The following MYO9A variants were observed in gnomAD, a reference collection of about 807,000 sequenced individuals.
The protein encoded by MYO9A is myosin IXA.
In MYO9A, 103 loss-of-function variants were observed where a neutral mutation model predicts 293.3. The ratio of observed to expected loss-of-function variants is 0.35; its 90% CI spans 0.30 to 0.41. MYO9A has a LOEUF of 0.41. MYO9A is among the 10% of genes least tolerant of loss of function. MYO9A has a pLI of 1.00. For missense variants in MYO9A, 2,685 were observed against 3,033.0 expected (o/e 0.89, Z 2.69); for synonymous variants, 1,001 against 1,035.7 (o/e 0.97, Z 0.64).
At chr15:72,002,019 C>T (rs1431110125) in intron 8 of MYO9A, among the ~76,000 whole-genome samples, 1 of 151,930 alleles carries the variant, frequency 6.6e-6, no homozygotes, top group Non-Finnish European at 1.5e-5. Flanking sequence ...ACCTATAATC[C>T]CAAGGCAGTA....
intron 1 of MYO9A, among the ~76,000 whole-genome samples, chr15:72,101,440 C>T (rs2080315063): frequency 7.4e-6 from 1 of 134,764 alleles, no homozygotes; most frequent in Non-Finnish European, 1.6e-5. Context: ...TCTGCCAGGC[C>T]AGCCGCCCCG....
rs1238797272 is a variant in MYO9A at position 71,892,894 on chromosome 15, T to A, written c.5142+785A>T. Reference sequence around the variant, plus strand: ...TTACATGGGAAGAAGCTGTGAAGGTTAGCTTTAGATTAGCAAAGACTATTT... The same window carrying A: ...TTACATGGGAAGAAGCTGTGAAGGTAAGCTTTAGATTAGCAAAGACTATTT... On this transcript the variant is annotated intron_variant, in intron 26 of 41. Transcript: ENST00000356056. 9.2e-6 allele frequency: 9 copies of A among 983,516 alleles called. No individual in the cohort carries two copies. In the South Asian group the frequency reaches 1.3e-4, roughly 15 times the overall value. 60.9% of individuals were successfully genotyped at this position (983,516 alleles called of 1,614,324 possible). A position where few individuals can be genotyped will look rare whatever the true frequency, so the allele number is the denominator to read the frequency against.
Position 71,859,789 on chromosome 15 carries a change from C to T in MYO9A, c.6099G>A (p.Lys2033=). 1.2e-6 allele frequency: 2 copies of T among 1,613,198 alleles called. No individual in the cohort carries two copies. The highest frequency in any genetic ancestry group is 1.1e-5 in the South Asian group (1 of 91,008). The change falls in exon 34 of 42, where the codon AAG becomes AAA. Residue 2033 remains lysine, a synonymous_variant. Transcript: ENST00000356056. ...MDRASVCKLC[K]YACHKKCCLK... ...GACAGCACTTCTTATGGCAAGCATACTTGCATACTGAAAAATAGGTGAGGA... is the reference window on the plus strand; with the variant it reads ...GACAGCACTTCTTATGGCAAGCATATTTGCATACTGAAAAATAGGTGAGGA...
At chr15:71,938,185 T>C (rs1218445074) in intron 16 of MYO9A, among the ~76,000 whole-genome samples, 1 of 151,928 alleles carries the variant, frequency 6.6e-6, no homozygotes, top group African/African-American at 2.4e-5. Context: ...TTGGAAAAAA[T>C]GATCAATGAA....
rs182997762 is a variant in MYO9A, at chr15:71,955,414, C to G, written c.2183-3518G>C. On this transcript the variant is annotated intron_variant, in intron 14 of 41. Transcript: ENST00000356056. ...AAAGTGCTGGGATTACAGGCGTGAG[C>G]CACTGGGCCCAGCCATGTTGTCTGT... Among the ~76,000 whole-genome samples, 12 of 152,332 alleles carry G rather than the reference C, an allele frequency of 7.9e-5. No individual in the cohort carries two copies. The East Asian group carries it at 2.3e-3, about 29-fold the overall frequency.
chr15:72,060,923 G>A (rs1280979604), intron 1 of MYO9A, among the ~76,000 whole-genome samples: 1 of 152,138 alleles, frequency 6.6e-6, no homozygotes, highest in African/African-American at 2.4e-5. Flanking sequence ...GTAGCTCCAG[G>A]AGAACCTCCT....
intron 14 of MYO9A, among the ~76,000 whole-genome samples, chr15:71,952,722 C>T (rs1012275542): frequency 1.3e-5 from 2 of 152,032 alleles, no homozygotes; most frequent in East Asian, 1.9e-4. Context: ...AATAAGTTTG[C>T]TTTTAAAAAA....
intron 1 of MYO9A, among the ~76,000 whole-genome samples, chr15:72,089,439 G>A (rs563964060): frequency 6.6e-6 from 1 of 152,080 alleles, no homozygotes; most frequent in Admixed American, 6.6e-5. Flanking sequence ...TAGGACTGCA[G>A]GCATCAGCCA....
At chr15:72,058,627 T>C (rs1389840889) in intron 1 of MYO9A, among the ~76,000 whole-genome samples, 2 of 152,228 alleles carry the variant, frequency 1.3e-5, no homozygotes, top group Non-Finnish European at 2.9e-5. Flanking sequence ...GTATCTTTTA[T>C]ATAGAAAATT....
intron 1 of MYO9A, among the ~76,000 whole-genome samples, chr15:72,065,582 A>C (rs142743365): frequency 0.013 from 1,965 of 151,930 alleles, 24 homozygotes; most frequent in African/African-American, 0.022. Flanking sequence ...ACAACAACAA[A>C]AAAAACACAC....
chr15:71,852,089 C>A, intron 36 of MYO9A, 43 bp downstream of exon 36: 1 of 1,550,782 alleles, frequency 6.4e-7, no homozygotes, highest in Non-Finnish European at 8.8e-7. Context: ...CATTTCTTTC[C>A]CAACTATAGG....
At chr15:71,912,787 G>C (rs538600459) in intron 19 of MYO9A, among the ~76,000 whole-genome samples, 1 of 152,150 alleles carries the variant, frequency 6.6e-6, no homozygotes, top group South Asian at 2.1e-4. Context: ...GAATTCTAGG[G>C]TGACTTTTTT....
chr15:72,056,153 G>A (rs762533914), intron 1 of MYO9A, among the ~76,000 whole-genome samples: 4 of 152,150 alleles, frequency 2.6e-5, no homozygotes, highest in African/African-American at 7.2e-5. Flanking sequence ...ACTTGAACCC[G>A]GGAGGCAAAG....
intron 18 of MYO9A, among the ~76,000 whole-genome samples, chr15:71,932,505 G>C (rs574854029): frequency 2.4e-4 from 37 of 151,768 alleles, no homozygotes; most frequent in South Asian, 1.0e-3. Flanking sequence ...GGAAACGCTG[G>C]AACTCACAGT....
intron 2 of MYO9A, among the ~76,000 whole-genome samples, chr15:72,042,628 T>C (rs537364398): frequency 1.1e-4 from 16 of 150,374 alleles, no homozygotes; most frequent in Non-Finnish European, 1.9e-4. Flanking sequence ...CAACCACCTC[T>C]ACTCAACATT....
At chr15:71,893,133 C>A (rs1295315915) in intron 26 of MYO9A, 1 of 1,287,154 alleles carries the variant, frequency 7.8e-7, no homozygotes, top group Non-Finnish European at 1.0e-6. Context: ...AATCGGAGCG[C>A]GTCCGCGCCA....
At chr15:72,086,369 G>A (rs1167424308) in intron 1 of MYO9A, among the ~76,000 whole-genome samples, 1 of 152,052 alleles carries the variant, frequency 6.6e-6, no homozygotes, top group Non-Finnish European at 1.5e-5. Flanking sequence ...GGGAGGGGGA[G>A]GGTTCATTGT....
chr15:71,908,518 A>G (rs2144238357), intron 19 of MYO9A, among the ~76,000 whole-genome samples: 1 of 152,316 alleles, frequency 6.6e-6, no homozygotes, highest in South Asian at 2.1e-4. Flanking sequence ...AATAATTAGT[A>G]TGATTGGATT....
At chr15:71,947,759 A>T (rs1009315409) in intron 15 of MYO9A, among the ~76,000 whole-genome samples, 2 of 152,160 alleles carry the variant, frequency 1.3e-5, no homozygotes, top group African/African-American at 2.4e-5. Flanking sequence ...TTCCCTGGCA[A>T]TTGCTGATCC....
Sources: gnomAD v4.1 joint callset for allele counts (sites outside exome capture counted in the v4.1 genomes callset) on GRCh38, gnomAD v4.1.1 for gene constraint, MANE v1.5 for transcripts, NCBI Gene and HGNC (gene_info 2026-07-23, HGNC 2026-07-21) for gene names.